Variants in STK32A observed in about 807,000 individuals in gnomAD.
STK32A encodes the protein serine/threonine kinase 32A.
Under a neutral mutation model 53.2 loss-of-function variants are expected in STK32A, and 41 were observed. The observed-to-expected ratio is 0.77, with a 90% CI of 0.60 to 1.00. The LOEUF (loss-of-function observed/expected upper bound fraction) is 1.00, where lower values mean the gene tolerates loss of function less well. STK32A is among the 50% of genes least tolerant of loss of function. The pLI, the probability that STK32A is intolerant of heterozygous loss-of-function variation, is 0.00. For synonymous variants in STK32A, 166 were observed against 162.8 expected (o/e 1.02, Z -0.15); for missense variants, 458 against 485.8 (o/e 0.94, Z 0.54).
intron 4 of STK32A, among the ~76,000 whole-genome samples, chr5:147,289,661 G>GTATA (rs571183059): frequency 6.6e-6 from 1 of 151,514 alleles, no homozygotes; most frequent in Non-Finnish European, 1.5e-5. Context: ...ATATGTGTGT[G>GTATA]TATATATATA....
Position 147,329,457 on chromosome 5 carries a change from C to A in STK32A, c.434+5386C>A, listed in dbSNP as rs563034877. On this transcript the variant is annotated intron_variant, in intron 5 of 12. Transcript: ENST00000397936. ...TTGCCAGTGTTCTGAATGCCAGGCT[C>A]CCATGGGGAAGAAGACAATCCCCCT... Among the ~76,000 whole-genome samples the A allele has an allele frequency of 3.9e-5, 6 of 152,288 alleles. No individual in the cohort carries two copies. In the East Asian group the frequency reaches 9.6e-4, roughly 24 times the overall value.
intron 2 of STK32A, among the ~76,000 whole-genome samples, chr5:147,253,106 G>A (rs11167972): frequency 0.24 from 36,941 of 151,942 alleles, 4,527 homozygotes; most frequent in Admixed American, 0.3. Flanking sequence ...AATATAATTT[G>A]CTTAAATATA....
intron 5 of STK32A, among the ~76,000 whole-genome samples, chr5:147,327,712 T>G (rs908580506): frequency 6.6e-6 from 1 of 152,210 alleles, no homozygotes; most frequent in African/African-American, 2.4e-5. Context: ...CATTTCACCT[T>G]CGATGAAACT....
rs184019694 is a variant in STK32A at position 147,328,638 on chromosome 5, A to C, written c.434+4567A>C. Among the ~76,000 whole-genome samples the C allele has an allele frequency of 3.5e-3, 531 of 152,274 alleles. 3 individuals carry two copies. The highest frequency in any genetic ancestry group is 0.012 in the African/African-American group (512 of 41,556). ...TATAATATTCTCTTTTGCTTACTTG[A>C]AATCTGCAAATAAATGCTTTAAATT... On this transcript the variant is annotated intron_variant, in intron 5 of 12. Coordinates refer to ENST00000397936, the MANE Select transcript of STK32A (RefSeq NM_001112724.2).
chr5:147,302,625 T>C (rs1321095965), intron 4 of STK32A, among the ~76,000 whole-genome samples: 4 of 152,144 alleles, frequency 2.6e-5, no homozygotes, highest in Non-Finnish European at 5.9e-5. Flanking sequence ...GGGAGGCAGT[T>C]AATCTATAAC....
chr5:147,395,624 C>T, the STK32A span: 11 of 1,613,906 alleles, frequency 6.8e-6, no homozygotes, highest in South Asian at 2.2e-5. Flanking sequence ...AGGAGAGCCC[C>T]GAGCAGAGCC....
At chr5:147,283,681 CT>C (rs1302689025) in intron 4 of STK32A, among the ~76,000 whole-genome samples, 1 of 152,022 alleles carries the variant, frequency 6.6e-6, no homozygotes, top group Non-Finnish European at 1.5e-5. Flanking sequence ...TGCACATAAA[CT>C]AGAAAACCTA....
chr5:147,342,976 C>T lies in STK32A; in HGVS notation c.435-30C>T, dbSNP rs368885702. On this transcript the variant is annotated intron_variant, in intron 5 of 12. Coordinates refer to ENST00000397936, the MANE Select transcript of STK32A (RefSeq NM_001112724.2). Reference sequence around the variant, plus strand: ...TTAGTTCTGTTCGTTTTATTGTGAGCAACTTTCTTTTTTCTTTTTACTCCT... The same window carrying T: ...TTAGTTCTGTTCGTTTTATTGTGAGTAACTTTCTTTTTTCTTTTTACTCCT... 352 of 1,611,878 alleles carry T rather than the reference C, an allele frequency of 2.2e-4. 5 individuals carry two copies. The South Asian group carries it at 3.3e-3, about 15-fold the overall frequency.
chr5:147,314,740 C>CTTTTTTTTTT (rs780298418), intron 4 of STK32A, among the ~76,000 whole-genome samples: 9 of 136,026 alleles, frequency 6.6e-5, no homozygotes, highest in African/African-American at 1.4e-4. Flanking sequence ...CTTTCTTTTT[C>CTTTTTTTTTT]TTTTTTTTTT....
the STK32A span, among the ~76,000 whole-genome samples, chr5:147,396,199 A>T: frequency 6.6e-6 from 1 of 152,148 alleles, no homozygotes; most frequent in African/African-American, 2.4e-5. Context: ...CTCCACCCTC[A>T]CACTCTTCAG....
rs554607042 is a variant in STK32A at position 147,347,714 on chromosome 5, GT to G, written c.473-3350del. 2.0e-5 allele frequency among the ~76,000 whole-genome samples: 3 copies of G among 152,296 alleles called. No individual in the cohort carries two copies. The South Asian group carries it at 6.2e-4, about 32-fold the overall frequency. ...GTCCTTCATTCCCAAGGCAATTCCTGTGTCCTTCAGTCAGCAGGAGACTGAA... is the reference window on the plus strand; with the variant it reads ...GTCCTTCATTCCCAAGGCAATTCCTGGTCCTTCAGTCAGCAGGAGACTGAA... On this transcript the variant is annotated intron_variant, in intron 6 of 12. Transcript: ENST00000397936.
intron 2 of STK32A, among the ~76,000 whole-genome samples, chr5:147,252,962 A>C (rs1754062651): frequency 6.6e-6 from 1 of 152,206 alleles, no homozygotes; most frequent in Non-Finnish European, 1.5e-5. Flanking sequence ...TGTGTATAAA[A>C]GACACTTGAT....
intron 2 of STK32A, among the ~76,000 whole-genome samples, chr5:147,262,804 A>G (rs1252214752): frequency 6.6e-6 from 1 of 152,144 alleles, no homozygotes; most frequent in Admixed American, 6.5e-5. Context: ...AAGCAACATA[A>G]CTGAGTCCTA....
At chr5:147,252,375 G>C (rs1236980181) in intron 2 of STK32A, among the ~76,000 whole-genome samples, 6 of 152,082 alleles carry the variant, frequency 3.9e-5, no homozygotes, top group African/African-American at 2.4e-5. Context: ...GTATTAAAAA[G>C]ATCTTCTGTT....
chr5:147,314,661 C>T (rs970988815), intron 4 of STK32A, among the ~76,000 whole-genome samples: 1 of 151,534 alleles, frequency 6.6e-6, no homozygotes, highest in African/African-American at 2.4e-5. Context: ...TTCAAAAGAT[C>T]CTGAGCATTA....
At chr5:147,304,185 C>A (rs747701599) in intron 4 of STK32A, among the ~76,000 whole-genome samples, 7 of 152,182 alleles carry the variant, frequency 4.6e-5, no homozygotes, top group South Asian at 2.1e-4. Flanking sequence ...AATTTTCTAA[C>A]CTTGTGTCAC....
rs187504538 is a variant in STK32A, at chr5:147,332,859, C to A, written c.434+8788C>A. Among the ~76,000 whole-genome samples, 7 of 152,272 alleles carry A rather than the reference C, an allele frequency of 4.6e-5. No individual in the cohort carries two copies. In the East Asian group the frequency reaches 1.4e-3, roughly 29 times the overall value. ...GAATCTGCCTTCTTTGTGTTGTATG[C>A]ATCAAGCAGTTTCAAAAGGGCTTTG... On this transcript the variant is annotated intron_variant, in intron 5 of 12. Coordinates refer to ENST00000397936, the MANE Select transcript of STK32A (RefSeq NM_001112724.2).
chr5:147,340,674 T>C (rs1260021234), intron 5 of STK32A, among the ~76,000 whole-genome samples: 1 of 152,232 alleles, frequency 6.6e-6, no homozygotes, highest in African/African-American at 2.4e-5. Context: ...CTTAGATAAC[T>C]TATTTTTATG....
intron 2 of STK32A, among the ~76,000 whole-genome samples, chr5:147,252,848 T>A (rs1350384494): frequency 7.9e-5 from 12 of 152,210 alleles, no homozygotes; most frequent in Admixed American, 5.9e-4. Context: ...GAAAGTGAAC[T>A]CCATGAGGGC....
Sources: allele counts gnomAD v4.1 joint callset (sites outside exome capture counted in the v4.1 genomes callset), GRCh38; gene constraint gnomAD v4.1.1; transcripts MANE v1.5; gene names NCBI Gene and HGNC (gene_info 2026-07-23, HGNC 2026-07-21).